Variants in GTF3C2 observed in about 807,000 individuals in gnomAD.
The protein encoded by GTF3C2 is general transcription factor IIIC subunit 2, also known as general transcription factor 3C polypeptide 2.
In GTF3C2, 17 loss-of-function variants were observed where a neutral mutation model predicts 117.4. That is an observed-to-expected ratio of 0.14 (90% CI 0.10 to 0.22). The LOEUF is 0.22. Among genes scored for constraint, GTF3C2 ranks in the 10% least tolerant of loss-of-function variants. GTF3C2 has a pLI of 1.00. For synonymous variants in GTF3C2, 437 were observed against 427.0 expected, an observed-to-expected ratio of 1.02 and a Z score of -0.29; for missense variants, 888 against 1,143.6, an observed-to-expected ratio of 0.78 and a Z score of 3.22.
At chr2:27,343,718 T>C (rs1159862293) in intron 1 of GTF3C2, 140 bp from the exon 2 acceptor site, 18 of 684,134 alleles carry the variant, frequency 2.6e-5, no homozygotes, top group Middle Eastern at 3.6e-4. Flanking sequence ...CAATATTTAC[T>C]AAGCACCTTC....
exon 19 of GTF3C2, chr2:27,326,638 G>C (rs1680081015): frequency 6.6e-7 from 1 of 1,504,316 alleles, no homozygotes; most frequent in Non-Finnish European, 9.2e-7. Flanking sequence ...ATTTGTTCTT[G>C]ACCGACTTCA....
chr2:27,329,586 T>C lies in GTF3C2; in HGVS notation c.1733-63A>G, dbSNP rs984477002. On this transcript the variant is annotated intron_variant, in intron 12 of 18. Coordinates refer to ENST00000264720, the Ensembl canonical transcript of GTF3C2. The surrounding 1 kb of genome is among the most constrained non-coding windows in gnomAD (Gnocchi z 4.5). Reference sequence around the variant, plus strand: ...GTTCTCTCTTCCTTGCTCTAATTTCTTTCTCTGGGCTCCTAGGACCTTTGT... The same window carrying C: ...GTTCTCTCTTCCTTGCTCTAATTTCCTTCTCTGGGCTCCTAGGACCTTTGT... The C allele has an allele frequency of 2.0e-6, 3 of 1,533,546 alleles. No homozygotes were observed. The highest frequency in any genetic ancestry group is 2.7e-6 in the Non-Finnish European group (3 of 1,115,690). The allele number at this position is 1,533,546 out of a possible 1,614,324, so 95.0% of individuals were successfully genotyped here.
At chr2:27,351,886 T>C (rs1681152880) in intron 1 of GTF3C2, among the ~76,000 whole-genome samples, 2 of 151,748 alleles carry the variant, frequency 1.3e-5, no homozygotes, top group Non-Finnish European at 2.9e-5. Flanking sequence ...CCCCATCTTG[T>C]AAAAATCTTG....
intron 12 of GTF3C2, among the ~76,000 whole-genome samples, chr2:27,332,442 T>C (rs931410211): frequency 6.6e-6 from 1 of 151,850 alleles, no homozygotes; most frequent in Non-Finnish European, 1.5e-5. Context: ...TGAGACAGAG[T>C]CTCGCTCTGT....
chr2:27,327,286 T>TG lies in GTF3C2; in HGVS notation c.2410-3dup. On this transcript the variant is annotated splice_polypyrimidine_tract_variant and splice_region_variant and intron_variant, in intron 17 of 18. Transcript: ENST00000264720. ...ACGGAGCAGATCATGGAATGAACCC[T>TG]GGGGAAGGGAAATGGAATAGGAGAG... 1 of 1,510,286 alleles carries TG rather than the reference T, an allele frequency of 6.6e-7. No individual in the cohort carries two copies. The highest frequency in any genetic ancestry group is 9.2e-7 in the Non-Finnish European group (1 of 1,091,388). 93.6% of individuals were successfully genotyped at this position (1,510,286 alleles called of 1,614,324 possible).
At chr2:27,327,311 G>A (rs1572560939) in intron 17 of GTF3C2, 27 bp from the exon 18 acceptor site, 1 of 1,176,292 alleles carries the variant, frequency 8.5e-7, no homozygotes. Flanking sequence ...GAATAGGAGA[G>A]AGAAAGTGAG....
chr2:27,353,557 G>C (rs1404527301), intron 1 of GTF3C2, among the ~76,000 whole-genome samples: 1 of 151,856 alleles, frequency 6.6e-6, no homozygotes, highest in Non-Finnish European at 1.5e-5. Context: ...TTCTGCCTCA[G>C]CCTCCTGAGT....
At chr2:27,355,907 C>T (rs1323838508) in intron 1 of GTF3C2, among the ~76,000 whole-genome samples, 1 of 152,090 alleles carries the variant, frequency 6.6e-6, no homozygotes. Flanking sequence ...CCATGAAACC[C>T]ACGGTTTCAT....
intron 1 of GTF3C2, chr2:27,350,420 C>T (rs148029292): frequency 0.013 from 13,050 of 985,386 alleles, 95 homozygotes; most frequent in Non-Finnish European, 0.015. Flanking sequence ...TAAATGATCA[C>T]GATGAGGGTT....
chr2:27,329,603 G>A lies in GTF3C2; in HGVS notation c.1733-80C>T. ...CTAATTTCTTTCTCTGGGCTCCTAGGACCTTTGTCTTCTACCCTCAGATCC... is the reference window on the plus strand; with the variant it reads ...CTAATTTCTTTCTCTGGGCTCCTAGAACCTTTGTCTTCTACCCTCAGATCC... On this transcript the variant is annotated intron_variant, in intron 12 of 18. Transcript: ENST00000264720. This position sits in a 1 kb window ranked among gnomAD's most constrained non-coding sequence, Gnocchi z 4.5. The A allele has an allele frequency of 7.1e-7, 1 of 1,401,278 alleles. No individual in the cohort carries two copies. The highest frequency in any genetic ancestry group is 9.9e-7 in the Non-Finnish European group (1 of 1,006,332). 86.8% of individuals were successfully genotyped at this position (1,401,278 alleles called of 1,614,324 possible).
chr2:27,329,315 C>T lies in GTF3C2; in HGVS notation c.1878-33G>A, dbSNP rs763423156. 1 of 1,614,076 alleles carries T rather than the reference C, an allele frequency of 6.2e-7. No homozygotes were observed. Among genetic ancestry groups the T allele is most frequent in the Non-Finnish European group, 8.5e-7 (1 of 1,179,946 alleles). ...AAGACGGGAGAAGGTCAAATCCAAA[C>T]AAATCCGGAAGTCAGCCTGTCCCAG... On this transcript the variant is annotated intron_variant, in intron 13 of 18. Coordinates refer to ENST00000264720, the Ensembl canonical transcript of GTF3C2. This position sits in a 1 kb window ranked among gnomAD's most constrained non-coding sequence, Gnocchi z 4.5.
chr2:27,334,041 G>A (rs1297327273), intron 10 of GTF3C2, 42 bp from the exon 11 acceptor site: 1 of 1,504,054 alleles, frequency 6.6e-7, no homozygotes, highest in Admixed American at 1.7e-5. Flanking sequence ...TGGATCCCAA[G>A]GACTCAGCAG....
chr2:27,352,581 T>C (rs888734440), intron 1 of GTF3C2, among the ~76,000 whole-genome samples: 1 of 152,218 alleles, frequency 6.6e-6, no homozygotes, highest in African/African-American at 2.4e-5. Context: ...AATTCTCATC[T>C]TCACACATAA....
intron 1 of GTF3C2, among the ~76,000 whole-genome samples, chr2:27,351,011 G>C (rs1382449707): frequency 1.3e-5 from 2 of 151,882 alleles, no homozygotes; most frequent in Admixed American, 6.6e-5. Flanking sequence ...AGCTACTTGG[G>C]AGACTGAGGT....
chr2:27,331,831 C>G (rs1680281323), intron 12 of GTF3C2, among the ~76,000 whole-genome samples: 1 of 151,974 alleles, frequency 6.6e-6, no homozygotes, highest in East Asian at 1.9e-4. Flanking sequence ...CCCAACTACT[C>G]CAGAGGCTGA....
rs779935998 is a variant in GTF3C2 at position 27,337,568 on chromosome 2, C to T, written c.951-10G>A. 1.9e-6 allele frequency: 3 copies of T among 1,580,326 alleles called. No individual in the cohort carries two copies. Among genetic ancestry groups the T allele is most frequent in the Non-Finnish European group, 2.6e-6 (3 of 1,149,514 alleles). ...ATGTTTCTGCTCTCGGCTGGAGAAA[C>T]AGAAGAAGCATTAATGAAGGAGAGG... On this transcript the variant is annotated splice_polypyrimidine_tract_variant and intron_variant, in intron 5 of 18. Coordinates refer to ENST00000264720, the Ensembl canonical transcript of GTF3C2.
rs866058728 is a variant in GTF3C2 at position 27,342,542 on chromosome 2, T to C, written c.569+284A>G. On this transcript the variant is annotated intron_variant, in intron 3 of 18. Coordinates refer to ENST00000264720, the Ensembl canonical transcript of GTF3C2. ...AAGAGAAAGAATGGAACAGAATATA[T>C]ATACTGACATATACTGGACAGTAAA... 7.7e-5 allele frequency: 42 copies of C among 543,322 alleles called. No individual in the cohort carries two copies. The Middle Eastern group carries it at 2.9e-3, about 38-fold the overall frequency. 33.7% of individuals were successfully genotyped at this position (543,322 alleles called of 1,614,324 possible). A position where few individuals can be genotyped will look rare whatever the true frequency, so the allele number is the denominator to read the frequency against.
intron 5 of GTF3C2, 79 bp from the exon 6 acceptor site, chr2:27,337,637 G>C: frequency 1.0e-6 from 1 of 978,838 alleles, no homozygotes; most frequent in South Asian, 1.3e-5. Context: ...TGTGGGGATG[G>C]AAATGATCCA....
At chr2:27,352,104 T>A (rs1167741600) in intron 1 of GTF3C2, among the ~76,000 whole-genome samples, 1 of 152,164 alleles carries the variant, frequency 6.6e-6, no homozygotes, top group Non-Finnish European at 1.5e-5. Flanking sequence ...TCTCTCCAAT[T>A]TCTCTGTATG....
Sources: gnomAD v4.1 joint callset for allele counts (sites outside exome capture counted in the v4.1 genomes callset) on GRCh38, gnomAD v4.1.1 for gene constraint, Gnocchi (gnomAD v3.1) non-coding constraint, MANE v1.5 for transcripts, NCBI Gene and HGNC (gene_info 2026-07-23, HGNC 2026-07-21) for gene names.